Variants in DHX38 observed in about 807,000 individuals in gnomAD.
DHX38 encodes the protein DEAH-box helicase 38.
A neutral mutation model predicts 153.1 loss-of-function variants in DHX38; 100 were observed. The observed-to-expected ratio is 0.65, with a 90% CI of 0.56 to 0.77. The LOEUF (loss-of-function observed/expected upper bound fraction) is 0.77, where lower values mean the gene tolerates loss of function less well. Ranked by LOEUF, DHX38 falls within the 30% of genes least tolerant of loss-of-function variation. The pLI is 0.00. For synonymous variants in DHX38, 650 were observed against 631.7 expected (o/e 1.03, Z -0.43); for missense variants, 1,440 against 1,654.0 (o/e 0.87, Z 2.24).
At chr16:72,099,087 G>A (rs756947274) in intron 6 of DHX38, 42 bp downstream of exon 6, 1 of 1,609,638 alleles carries the variant, frequency 6.2e-7, no homozygotes, top group Non-Finnish European at 8.5e-7. Context: ...AGGCTTGCTT[G>A]CCCTAGCGAG....
At chr16:72,111,488 G>C (rs2042255514) in intron 26 of DHX38, among the ~76,000 whole-genome samples, 1 of 152,214 alleles carries the variant, frequency 6.6e-6, no homozygotes, top group Non-Finnish European at 1.5e-5. Flanking sequence ...ACCAGCTGCA[G>C]GTGTAGACAC....
At chr16:72,099,981 T>C in intron 8 of DHX38, 94 bp downstream of exon 8, 1 of 1,481,766 alleles carries the variant, frequency 6.7e-7, no homozygotes, top group Non-Finnish European at 9.1e-7. Context: ...GCAGCACAGC[T>C]TGTCCCCTGA....
chr16:72,110,612 C>T (rs1015879789), intron 25 of DHX38, among the ~76,000 whole-genome samples: 1 of 152,242 alleles, frequency 6.6e-6, no homozygotes, highest in Non-Finnish European at 1.5e-5. Flanking sequence ...TCCCTTGCAT[C>T]TTATGCCTGT....
At position 72,101,063 on chromosome 16, in the gene DHX38, G is replaced by A. The variant is rs147328845; in HGVS notation, c.1279-23G>A. The A allele has an allele frequency of 1.3e-4, 207 of 1,610,476 alleles. 3 individuals carry two copies. Among genetic ancestry groups the A allele is most frequent in the South Asian group, 5.4e-4 (49 of 90,944 alleles). ...CTTCTTGCTGATTTTAACGGGCATC[G>A]CTCTTTCTCCCCACTGCTGCAGCCG... On this transcript the variant is annotated intron_variant, in intron 9 of 26. Transcript: ENST00000268482.
intron 10 of DHX38, 151 bp downstream of exon 10, chr16:72,101,344 A>G: frequency 1.7e-6 from 2 of 1,167,024 alleles, no homozygotes; most frequent in Non-Finnish European, 2.4e-6. Context: ...GTGTTGGGAG[A>G]GCTGGAGGCT....
At chr16:72,109,304 C>A (rs899517148) in intron 24 of DHX38, 111 bp from the exon 25 acceptor site, 2 of 1,222,326 alleles carry the variant, frequency 1.6e-6, no homozygotes, top group Non-Finnish European at 2.3e-6. Flanking sequence ...TTTTTTCAGC[C>A]TTGCAGGGCC....
At chr16:72,110,911 T>C in intron 25 of DHX38, 45 bp from the exon 26 acceptor site, 1 of 1,537,136 alleles carries the variant, frequency 6.5e-7, no homozygotes, top group Non-Finnish European at 8.8e-7. Context: ...CCTCCTTCCT[T>C]AGTGGTCCCC....
Position 72,103,949 on chromosome 16 carries a change from G to A in DHX38, c.1828G>A (p.Gly610Ser). The A allele has an allele frequency of 6.2e-7, 1 of 1,613,952 alleles. No individual in the cohort carries two copies. The highest frequency in any genetic ancestry group is 8.5e-7 in the Non-Finnish European group (1 of 1,179,850). The change falls in exon 14 of 27, where the codon GGC becomes AGC. Residue 610 changes from glycine (G) to serine (S), a missense_variant. Physicochemically the swap from Gly to Ser is moderately conservative, Grantham distance 56 (BLOSUM62 0). This residue lies in a region of DHX38 where 241 missense variants were observed against 229.5 expected (regional missense o/e 1.05). Transcript: ENST00000268482. Reference sequence around the variant, plus strand: ...GAGCCATCTCTCTGACCTCCAGGTGGGCTATGCCATCCGCTTTGAAGACTG... The same window carrying A: ...GAGCCATCTCTCTGACCTCCAGGTGAGCTATGCCATCCGCTTTGAAGACTG... ...EMGGNLGEEV[G>S]YAIRFEDCTS... is the part of the protein sequence containing the mutation.
rs778875347 is a variant in DHX38 at position 72,112,791 on chromosome 16, C to G, written c.*294C>G. On this transcript the variant is annotated 3_prime_UTR_variant, in exon 27 of 27. Coordinates refer to ENST00000268482, the MANE Select transcript of DHX38 (RefSeq NM_014003.4). ...ACTGGCCCAGGACACTTGGTGTATG[C>G]GTGACTTGGCTGTGGCTGTCTTTTT... 4.3e-6 allele frequency: 3 copies of G among 702,662 alleles called. No individual in the cohort carries two copies. Among genetic ancestry groups the G allele is most frequent in the Admixed American group, 4.0e-5 (2 of 50,010 alleles). The allele number at this position is 702,662 out of a possible 1,614,324, so 43.5% of individuals were successfully genotyped here.
intron 10 of DHX38, 126 bp downstream of exon 10, chr16:72,101,319 C>T: frequency 1.7e-6 from 2 of 1,192,510 alleles, no homozygotes; most frequent in East Asian, 2.6e-5. Flanking sequence ...TTAGGCCCGA[C>T]AGCTGCGGGG....
At chr16:72,108,129 C>T (rs1048613065) in intron 21 of DHX38, 98 bp from the exon 22 acceptor site, 12 of 1,369,982 alleles carry the variant, frequency 8.8e-6, no homozygotes, top group African/African-American at 1.4e-5. Flanking sequence ...GTTTGAAGTT[C>T]TATGTGTGGG....
Position 72,104,309 on chromosome 16 carries a change from T to C in DHX38, c.2011-177T>C, listed in dbSNP as rs1353565986. Reference sequence around the variant, plus strand: ...CATGCTGTTCTTGCTCTGCTGAGGGTGGCTTGGGGTTTTCTGGGCAGTGGC... The same window carrying C: ...CATGCTGTTCTTGCTCTGCTGAGGGCGGCTTGGGGTTTTCTGGGCAGTGGC... On this transcript the variant is annotated intron_variant, in intron 14 of 26. Transcript: ENST00000268482. This position sits in a 1 kb window ranked among gnomAD's most constrained non-coding sequence, Gnocchi z 4.5. The C allele has an allele frequency of 2.5e-6, 3 of 1,176,716 alleles. No individual in the cohort carries two copies. The African/African-American group carries it at 4.6e-5, about 18-fold the overall frequency. The allele number at this position is 1,176,716 out of a possible 1,614,324, so 72.9% of individuals were successfully genotyped here.
chr16:72,106,495 C>A (rs565500270), intron 19 of DHX38, among the ~76,000 whole-genome samples: 12 of 148,296 alleles, frequency 8.1e-5, no homozygotes, highest in African/African-American at 3.0e-4. Flanking sequence ...TCACCCCAGG[C>A]TGGAGTGTGG....
At position 72,095,538 on chromosome 16, in the gene DHX38, A is replaced by G. The variant is rs554015624; in HGVS notation, c.-19-601A>G. The stretch of plus-strand genomic sequence containing the variant: ...ATATAGGAGGATAGCAAATAATACA[A>G]TGTAGCAGTTACATTTATGTTAACT... On this transcript the variant is annotated intron_variant, in intron 1 of 26. Transcript: ENST00000268482. Among the ~76,000 whole-genome samples, 3 of 152,308 alleles carry G rather than the reference A, an allele frequency of 2.0e-5. No homozygotes were observed. The East Asian group carries it at 5.8e-4, about 29-fold the overall frequency.
At chr16:72,097,330 A>T (rs1287414919) in intron 3 of DHX38, 3 of 405,664 alleles carry the variant, frequency 7.4e-6, no homozygotes, top group African/African-American at 2.0e-5. Context: ...AGTGCTATGG[A>T]ACAAAGCTAG....
At position 72,107,640 on chromosome 16, in the gene DHX38, C is replaced by T; in HGVS notation, c.2810-5C>T. On this transcript the variant is annotated splice_polypyrimidine_tract_variant and splice_region_variant and intron_variant, in intron 20 of 26. Transcript: ENST00000268482. The surrounding 1 kb of genome is among the most constrained non-coding windows in gnomAD (Gnocchi z 5.3). Reference sequence around the variant, plus strand: ...CAAATATCCGGGTTTGCTCATCTCTCCTAGGTGGTCTGACCTCTACCGGGC... The same window carrying T: ...CAAATATCCGGGTTTGCTCATCTCTTCTAGGTGGTCTGACCTCTACCGGGC... The T allele has an allele frequency of 6.2e-7, 1 of 1,614,114 alleles. No homozygotes were observed. Among genetic ancestry groups the T allele is most frequent in the East Asian group, 2.2e-5 (1 of 44,876 alleles).
At chr16:72,100,014 TG>T in intron 8 of DHX38, 127 bp downstream of exon 8, 1 of 1,304,410 alleles carries the variant, frequency 7.7e-7, no homozygotes, top group Non-Finnish European at 1.0e-6. Flanking sequence ...CCAGATCCTC[TG>T]GAGGTGGAAG....
At chr16:72,101,744 A>G (rs1349639593) in intron 11 of DHX38, 132 bp downstream of exon 11, 1 of 673,190 alleles carries the variant, frequency 1.5e-6, no homozygotes, top group Admixed American at 2.5e-5. Flanking sequence ...TGCATCTTCC[A>G]TTCTCTCTGG....
rs984523336 is a variant in DHX38, at chr16:72,104,246, T to C, written c.2010+115T>C. ...GGGTCTCTGGTAGGCCAGAGGTTCC[T>C]GAGGCCTCTGGTTGCAGTTCAGACT... On this transcript the variant is annotated intron_variant, in intron 14 of 26. Transcript: ENST00000268482. The surrounding 1 kb of genome is among the most constrained non-coding windows in gnomAD (Gnocchi z 4.5). 16 of 1,341,728 alleles carry C rather than the reference T, an allele frequency of 1.2e-5. No homozygotes were observed. The highest frequency in any genetic ancestry group is 2.7e-4 in the Middle Eastern group (1 of 3,766). 83.1% of individuals were successfully genotyped at this position (1,341,728 alleles called of 1,614,324 possible). A position where few individuals can be genotyped will look rare whatever the true frequency, so the allele number is the denominator to read the frequency against.
Sources: allele counts gnomAD v4.1 joint callset (sites outside exome capture counted in the v4.1 genomes callset), GRCh38; gene constraint gnomAD v4.1.1; regional missense constraint gnomAD v4.1.1; non-coding constraint Gnocchi (gnomAD v3.1); transcripts MANE v1.5; gene names NCBI Gene and HGNC (gene_info 2026-07-23, HGNC 2026-07-21).